NMNAT2: variants seen among roughly 807,000 people sequenced by gnomAD.
NMNAT2 encodes the protein nicotinamide nucleotide adenylyltransferase 2.
NMNAT2 carries 11 observed loss-of-function variants against 41.6 expected under a neutral mutation model. The ratio of observed to expected loss-of-function variants is 0.26; its 90% CI spans 0.17 to 0.44. The LOEUF is 0.44. Among genes scored for constraint, NMNAT2 ranks in the 20% least tolerant of loss-of-function variants. The pLI is 1.00. For missense variants in NMNAT2, 288 were observed against 407.7 expected (o/e 0.71, Z 2.53); for synonymous variants, 148 against 151.2 (o/e 0.98, Z 0.16).
At chr1:183,315,584 C>G (rs1482015556) in intron 1 of NMNAT2, among the ~76,000 whole-genome samples, 1 of 151,898 alleles carries the variant, frequency 6.6e-6, no homozygotes, top group Admixed American at 6.6e-5. Flanking sequence ...GGGTTCAAGA[C>G]CAGCCTGGCC....
intron 1 of NMNAT2, among the ~76,000 whole-genome samples, chr1:183,409,385 T>C (rs1649052431): frequency 6.6e-6 from 1 of 152,144 alleles, no homozygotes; most frequent in Non-Finnish European, 1.5e-5. Context: ...GGCATGATCA[T>C]GACTCACTGC....
intron 1 of NMNAT2, among the ~76,000 whole-genome samples, chr1:183,414,590 T>C (rs1454075068): frequency 2.0e-5 from 3 of 152,214 alleles, no homozygotes; most frequent in Non-Finnish European, 4.4e-5. Flanking sequence ...TGAGTTTACT[T>C]TGCCAAAAAC....
intron 1 of NMNAT2, among the ~76,000 whole-genome samples, chr1:183,408,168 A>G (rs1649011636): frequency 6.6e-6 from 1 of 152,184 alleles, no homozygotes; most frequent in Non-Finnish European, 1.5e-5. Context: ...TTCCATTCCA[A>G]CACCCAGAGG....
At chr1:183,273,800 T>G (rs1661047070) in intron 8 of NMNAT2, among the ~76,000 whole-genome samples, 1 of 149,978 alleles carries the variant, frequency 6.7e-6, no homozygotes, top group Non-Finnish European at 1.5e-5. Context: ...CCTCTCTCTC[T>G]TTCTCTCTTT....
At chr1:183,336,234 C>T (rs930779287) in intron 1 of NMNAT2, among the ~76,000 whole-genome samples, 1 of 151,962 alleles carries the variant, frequency 6.6e-6, no homozygotes, top group African/African-American at 2.4e-5. Flanking sequence ...AAAAGACAAA[C>T]AAGGCAATTA....
At chr1:183,264,788 C>G (rs1307951006) in intron 8 of NMNAT2, among the ~76,000 whole-genome samples, 2 of 152,072 alleles carry the variant, frequency 1.3e-5, no homozygotes, top group Non-Finnish European at 2.9e-5. Flanking sequence ...CTTAGCTGTC[C>G]TTCCCACCTC....
At chr1:183,257,156 G>T (rs957670538) in intron 10 of NMNAT2, among the ~76,000 whole-genome samples, 1 of 151,662 alleles carries the variant, frequency 6.6e-6, no homozygotes, top group African/African-American at 2.4e-5. Context: ...AGTTTAAAAT[G>T]TATAGGCCAG....
chr1:183,353,936 C>G (rs1324905149), intron 1 of NMNAT2, among the ~76,000 whole-genome samples: 2 of 152,146 alleles, frequency 1.3e-5, no homozygotes, highest in African/African-American at 4.8e-5. Context: ...GCTCCATTCC[C>G]TCTCTAGCAG....
At chr1:183,400,347 A>C (rs979005871) in intron 1 of NMNAT2, among the ~76,000 whole-genome samples, 12 of 152,196 alleles carry the variant, frequency 7.9e-5, no homozygotes. Flanking sequence ...CTAGGAATCC[A>C]ACTTACAAGG....
chr1:183,307,328 T>C (rs2102321562), intron 1 of NMNAT2, among the ~76,000 whole-genome samples: 1 of 149,672 alleles, frequency 6.7e-6, no homozygotes, highest in South Asian at 2.1e-4. Flanking sequence ...TTTTTTGAGA[T>C]GGAGTTTGGT....
chr1:183,343,724 C>G (rs973749483), intron 1 of NMNAT2, among the ~76,000 whole-genome samples: 1 of 152,184 alleles, frequency 6.6e-6, no homozygotes, highest in Non-Finnish European at 1.5e-5. Context: ...ATCTATCCTT[C>G]AAATTTTTTA....
chr1:183,272,167 T>G (rs1050337785), intron 8 of NMNAT2, among the ~76,000 whole-genome samples: 1 of 152,240 alleles, frequency 6.6e-6, no homozygotes, highest in Non-Finnish European at 1.5e-5. Context: ...AAATGCCTTC[T>G]GCTTCACAAA....
chr1:183,293,826 G>A (rs375710019), intron 1 of NMNAT2, 33 bp from the exon 2 acceptor site: 2 of 1,472,594 alleles, frequency 1.4e-6, no homozygotes, highest in East Asian at 2.3e-5. Flanking sequence ...ACATTATAAA[G>A]AGGAAAGGCA....
chr1:183,289,885 G>A (rs924278531), intron 4 of NMNAT2, among the ~76,000 whole-genome samples: 1 of 152,222 alleles, frequency 6.6e-6, no homozygotes, highest in Non-Finnish European at 1.5e-5. Context: ...CCCCAAATGG[G>A]AGGTCAAGAC....
intron 1 of NMNAT2, among the ~76,000 whole-genome samples, chr1:183,343,610 T>G (rs920858677): frequency 4.6e-5 from 7 of 152,238 alleles, no homozygotes; most frequent in African/African-American, 1.7e-4. Context: ...TAAAAATTAC[T>G]TGAATGAATG....
At chr1:183,315,207 C>T (rs1015667663) in intron 1 of NMNAT2, among the ~76,000 whole-genome samples, 2 of 152,200 alleles carry the variant, frequency 1.3e-5, no homozygotes, top group South Asian at 2.1e-4. Flanking sequence ...TGATGGCTGT[C>T]GATAGCTGAT....
intron 7 of NMNAT2, among the ~76,000 whole-genome samples, chr1:183,279,911 T>A (rs181637184): frequency 2.6e-5 from 4 of 152,350 alleles, no homozygotes; most frequent in Admixed American, 6.5e-5. Context: ...CCCCAGGGTC[T>A]GGCAGAGTCA....
chr1:183,302,640 C>T (rs543754552), intron 1 of NMNAT2, among the ~76,000 whole-genome samples: 1 of 152,160 alleles, frequency 6.6e-6, no homozygotes, highest in African/African-American at 2.4e-5. Flanking sequence ...ATTGCGCTCT[C>T]ACACTCAGGG....
chr1:183,385,968 C>A (rs1044171302), intron 1 of NMNAT2, among the ~76,000 whole-genome samples: 3 of 152,060 alleles, frequency 2.0e-5, no homozygotes, highest in Non-Finnish European at 4.4e-5. Flanking sequence ...GGGGATGAGG[C>A]CTGGATGCTG....
Sources: allele counts gnomAD v4.1 joint callset (sites outside exome capture counted in the v4.1 genomes callset), GRCh38; gene constraint gnomAD v4.1.1; transcripts MANE v1.5; gene names NCBI Gene and HGNC (gene_info 2026-07-23, HGNC 2026-07-21).